C4orf50: variants seen among roughly 807,000 people sequenced by gnomAD.
C4orf50 encodes chromosome 4 open reading frame 50.
C4orf50 carries 80 observed loss-of-function variants against 77.2 expected under a neutral mutation model. That is an observed-to-expected ratio of 1.04 (90% CI 0.87 to 1.25). The LOEUF (loss-of-function observed/expected upper bound fraction) is 1.25. C4orf50 is among the 50% of genes most tolerant of loss of function. The probability of loss-of-function intolerance (pLI) is 0.00; values close to 1 mark genes in which losing one functional copy is unlikely to be tolerated. For synonymous variants in C4orf50, 532 were observed against 465.3 expected, an observed-to-expected ratio of 1.14 and a Z score of -1.84; for missense variants, 1,257 against 1,152.9, an observed-to-expected ratio of 1.09 and a Z score of -1.31.
chr4:6,006,075 A>G lies in C4orf50; in HGVS notation c.963+1921T>C, dbSNP rs560059019. 2.4e-4 allele frequency among the ~76,000 whole-genome samples: 37 copies of G among 152,352 alleles called. 1 individual carries two copies. Among genetic ancestry groups the G allele is most frequent in the African/African-American group, 8.4e-4 (35 of 41,588 alleles). On this transcript the variant is annotated intron_variant, in intron 25 of 33. Coordinates refer to ENST00000531445, the Ensembl canonical transcript of C4orf50. The stretch of plus-strand genomic sequence containing the variant: ...ATGTTATACACTTTGTTTTCCTTTT[A>G]TCTGATGAACATAAGGAGGAAGAAC...
chr4:6,016,409 C>T (rs142995257), intron 23 of C4orf50, among the ~76,000 whole-genome samples: 302 of 152,088 alleles, frequency 2.0e-3, no homozygotes, highest in African/African-American at 6.7e-3. Flanking sequence ...ACTAGCTAGG[C>T]GTGGTGATGG....
chr4:5,970,512 C>T lies in C4orf50; in HGVS notation c.4105-3050G>A, dbSNP rs150750701. Among the ~76,000 whole-genome samples, 7 of 152,132 alleles carry T rather than the reference C, an allele frequency of 4.6e-5. No individual in the cohort carries two copies. Among genetic ancestry groups the T allele is most frequent in the East Asian group, 1.9e-4 (1 of 5,166 alleles). On this transcript the variant is annotated intron_variant, in intron 31 of 33. Transcript: ENST00000531445. This position sits in a 1 kb window ranked among gnomAD's most constrained non-coding sequence, Gnocchi z 4.3. Reference sequence around the variant, plus strand: ...GGGTGACCCATGGACGCTAGTGACCCGGATGGCACAACAGCAGATGCCAGC... The same window carrying T: ...GGGTGACCCATGGACGCTAGTGACCTGGATGGCACAACAGCAGATGCCAGC...
chr4:5,997,483 A>G (rs540564849), intron 25 of C4orf50, among the ~76,000 whole-genome samples: 1 of 152,338 alleles, frequency 6.6e-6, no homozygotes, highest in Non-Finnish European at 1.5e-5. Context: ...TCACTTGTCC[A>G]AGGTCACACA....
At chr4:5,975,139 C>CAAAAAAAAAAAAAAAAAAAAAAAAAAAA (rs763836859) in intron 30 of C4orf50, among the ~76,000 whole-genome samples, 1 of 82,832 alleles carries the variant, frequency 1.2e-5, no homozygotes, top group Non-Finnish European at 2.4e-5. Flanking sequence ...CACTCCATCT[C>CAAAAAAAAAAAAAAAAAAAAAAAAAAAA]AAAAAAAAAA....
exon 29 of C4orf50, chr4:5,980,305 C>T (rs1167732586): frequency 6.2e-7 from 1 of 1,612,574 alleles, no homozygotes; most frequent in East Asian, 2.2e-5. Context: ...AGCCTGGGAT[C>T]CTCCTCAGTA....
At chr4:5,937,606 T>C (rs1718084113) in intron 7 of C4orf50, among the ~76,000 whole-genome samples, 2 of 152,318 alleles carry the variant, frequency 1.3e-5, no homozygotes, top group East Asian at 1.9e-4. Flanking sequence ...ATCATTATAA[T>C]GGACTAAACT....
chr4:5,922,409 T>G (rs564197131), intron 7 of C4orf50, among the ~76,000 whole-genome samples: 1 of 152,214 alleles, frequency 6.6e-6, no homozygotes. Context: ...TACTGCACAG[T>G]AGTCAGCTTT....
intron 7 of C4orf50, among the ~76,000 whole-genome samples, chr4:5,935,172 C>T (rs1717952374): frequency 6.6e-6 from 1 of 152,182 alleles, no homozygotes; most frequent in Non-Finnish European, 1.5e-5. Context: ...TAAAGGAAAA[C>T]CCACATGAGC....
chr4:5,933,184 G>C (rs961959206), intron 7 of C4orf50, among the ~76,000 whole-genome samples: 12 of 152,144 alleles, frequency 7.9e-5, no homozygotes, highest in Non-Finnish European at 1.8e-4. Flanking sequence ...TCTCACAGAG[G>C]GTGGAAGAAG....
chr4:5,967,264 G>C (rs577625536), intron 32 of C4orf50, 150 bp downstream of exon 10: 11 of 676,410 alleles, frequency 1.6e-5, no homozygotes, highest in South Asian at 1.5e-4. Context: ...ATGCCACATA[G>C]GAAAGCGGGA....
intron 7 of C4orf50, among the ~76,000 whole-genome samples, chr4:5,927,140 G>A (rs1016804526): frequency 1.5e-4 from 23 of 152,252 alleles, no homozygotes; most frequent in South Asian, 1.2e-3. Context: ...AATGTCTGGC[G>A]GTGCAGTCTC....
At chr4:5,976,314 G>C (rs1035226125) in intron 29 of C4orf50, among the ~76,000 whole-genome samples, 1 of 152,008 alleles carries the variant, frequency 6.6e-6, no homozygotes, top group African/African-American at 2.4e-5. Context: ...AAATTAGCCA[G>C]GTGTGGTGGT....
At chr4:5,995,884 C>T (rs138062810) in intron 25 of C4orf50, among the ~76,000 whole-genome samples, 1 of 152,192 alleles carries the variant, frequency 6.6e-6, no homozygotes, top group Admixed American at 6.5e-5. Context: ...GGGAAGTGCC[C>T]TGTCCCCTTC....
intron 23 of C4orf50, among the ~76,000 whole-genome samples, chr4:6,013,123 G>A (rs772593376): frequency 1.3e-5 from 2 of 152,170 alleles, no homozygotes; most frequent in Non-Finnish European, 2.9e-5. Flanking sequence ...TGTTCAGTAG[G>A]TTTTCATGAA....
At chr4:5,943,215 C>A (rs186026492) in intron 7 of C4orf50, among the ~76,000 whole-genome samples, 2 of 152,126 alleles carry the variant, frequency 1.3e-5, no homozygotes, top group Admixed American at 6.6e-5. Flanking sequence ...GTTAGGCACC[C>A]GCAGTAGGCT....
rs2108780375 is a variant in C4orf50 at position 5,979,638 on chromosome 4, C to A, written c.3864+536G>T. Among the ~76,000 whole-genome samples, 3 of 152,342 alleles carry A rather than the reference C, an allele frequency of 2.0e-5. No individual in the cohort carries two copies. In the Middle Eastern group the frequency reaches 0.01, roughly 518 times the overall value. On this transcript the variant is annotated intron_variant, in intron 29 of 33. Coordinates refer to ENST00000531445, the Ensembl canonical transcript of C4orf50. ...CCCTCTTGTACATGTTTTTTAGAGA[C>A]AGGGTCTTGCTCTGTCACCTGGGCT...
At chr4:5,964,806 G>A (rs1183972546) in intron 33 of C4orf50, among the ~76,000 whole-genome samples, 2 of 148,958 alleles carry the variant, frequency 1.3e-5, no homozygotes, top group Admixed American at 6.7e-5. Context: ...CCAGACCTAG[G>A]ACACATGATT....
At chr4:5,978,912 G>C (rs1437266616) in intron 29 of C4orf50, among the ~76,000 whole-genome samples, 1 of 152,166 alleles carries the variant, frequency 6.6e-6, no homozygotes, top group African/African-American at 2.4e-5. Context: ...CAGCCACATG[G>C]GCAAATGAAC....
chr4:5,944,434 G>A lies in C4orf50; in HGVS notation c.*2474+12467C>T, dbSNP rs565788449. ...CTCCCTGGCACCTTGGAGACACTAG[G>A]TGAAACTATGTGGAATGAAATGATC... On this transcript the variant is annotated intron_variant, in intron 7 of 7. Coordinates refer to the C4orf50 transcript ENST00000324058. Among the ~76,000 whole-genome samples the A allele has an allele frequency of 3.9e-5, 6 of 152,158 alleles. 1 individual carries two copies. Among genetic ancestry groups the A allele is most frequent in the Admixed American group, 3.9e-4 (6 of 15,288 alleles).
Sources: allele counts gnomAD v4.1 joint callset (sites outside exome capture counted in the v4.1 genomes callset), GRCh38; gene constraint gnomAD v4.1.1; non-coding constraint Gnocchi (gnomAD v3.1); transcripts MANE v1.5; gene names NCBI Gene and HGNC (gene_info 2026-07-23, HGNC 2026-07-21).